FDFT1: variants seen among roughly 807,000 people sequenced by gnomAD.
The protein encoded by FDFT1 is farnesyl-diphosphate farnesyltransferase 1, also known as squalene synthase.
FDFT1 carries 68 observed loss-of-function variants against 46.8 expected under a neutral mutation model. The observed-to-expected ratio is 1.45, with a 90% CI of 1.19 to 1.78. The LOEUF (loss-of-function observed/expected upper bound fraction) is 1.78, where lower values mean the gene tolerates loss of function less well. Among genes scored for constraint, FDFT1 ranks in the 40% most tolerant of loss-of-function variants. The pLI is 0.00. For missense variants in FDFT1, 928 were observed against 524.4 expected (o/e 1.77, Z -7.52); for synonymous variants, 351 against 185.1 (o/e 1.90, Z -7.28).
upstream of FDFT1, among the ~76,000 whole-genome samples, chr8:11,797,690 G>A (rs151226708): frequency 3.3e-5 from 5 of 151,858 alleles, no homozygotes; most frequent in East Asian, 9.7e-4. Flanking sequence ...GTGGGGGAGG[G>A]GAACAGATAA....
chr8:11,831,826 C>A, intron 7 of FDFT1, 156 bp downstream of exon 7: 1 of 671,000 alleles, frequency 1.5e-6, no homozygotes, highest in Non-Finnish European at 2.6e-6. Flanking sequence ...GGAAAAAAGT[C>A]TATTCACAGG....
chr8:11,817,685 T>G (rs1000125787), intron 3 of FDFT1, among the ~76,000 whole-genome samples: 1 of 152,244 alleles, frequency 6.6e-6, no homozygotes, highest in Non-Finnish European at 1.5e-5. Flanking sequence ...AGTGGTAGTT[T>G]GTATTTCTGT....
Position 11,837,925 on chromosome 8 carries a change from C to T in FDFT1, c.1033-463C>T, listed in dbSNP as rs116616983. On this transcript the variant is annotated intron_variant, in intron 7 of 7. Coordinates refer to ENST00000220584, the MANE Select transcript of FDFT1 (RefSeq NM_004462.5). The stretch of plus-strand genomic sequence containing the variant: ...ACTCCAGGGTGGTTCATACGGCTCC[C>T]TGCTTCTGTTCCTGTCCCCCTTTGT... Among the ~76,000 whole-genome samples, 173 of 152,288 alleles carry T rather than the reference C, an allele frequency of 1.1e-3. 2 individuals carry two copies. The highest frequency in any genetic ancestry group is 3.9e-3 in the African/African-American group (164 of 41,562).
At position 11,821,827 on chromosome 8, in the gene FDFT1, G is replaced by T. The variant is rs139354492; in HGVS notation, c.459G>T (p.Gly153=). The T allele has an allele frequency of 1.9e-6, 3 of 1,613,754 alleles. No homozygotes were observed. Among genetic ancestry groups the T allele is most frequent in the African/African-American group, 1.3e-5 (1 of 75,038 alleles). The change falls in exon 4 of 8, where the codon GGG becomes GGT. Residue 153 remains glycine, a synonymous_variant. Transcript: ENST00000220584. ...IADICRRMGI[G]MAEFLDKHVT... ...ACATTTGCCGGAGAATGGGCATTGG[G>T]ATGGCAGAGTTTTTGGATAAGCATG... is the stretch of plus-strand genomic sequence containing the variant.
At chr8:11,807,471 T>C (rs974767195) in intron 1 of FDFT1, among the ~76,000 whole-genome samples, 1 of 152,102 alleles carries the variant, frequency 6.6e-6, no homozygotes. Context: ...CCCTGTTGGA[T>C]AAATGATTCC....
chr8:11,809,105 A>G, intron 2 of FDFT1: 2 of 1,254,318 alleles, frequency 1.6e-6, no homozygotes, highest in South Asian at 2.1e-5. Flanking sequence ...CTTTCAGAGA[A>G]GAGGGGGGAG....
At chr8:11,824,440 A>G (rs1224856024) in intron 4 of FDFT1, among the ~76,000 whole-genome samples, 2 of 152,244 alleles carry the variant, frequency 1.3e-5, no homozygotes, top group African/African-American at 2.4e-5. Flanking sequence ...CAAAGTTGTT[A>G]AAGCCTGACA....
intron 3 of FDFT1, among the ~76,000 whole-genome samples, chr8:11,812,735 C>T (rs1206431340): frequency 6.6e-6 from 1 of 152,158 alleles, no homozygotes; most frequent in Non-Finnish European, 1.5e-5. Flanking sequence ...TAGGAATAAG[C>T]CTCAATACAG....
chr8:11,809,820 G>T lies in FDFT1; in HGVS notation c.351G>T (p.Lys117Asn). ...GGCGGTTCATGGAGAGCAAGGAGAA[G>T]GATCGCCAGGTGCTGGAGGACTTCC... is the stretch of plus-strand genomic sequence containing the variant. ...PDWRFMESKE[K>N]DRQVLEDFPT... The change falls in exon 3 of 8, where the codon AAG (lysine) becomes AAT (asparagine). Residue 117 changes from lysine to asparagine, a missense_variant. By Grantham distance (94) the Lys-to-Asn change is moderately conservative. Transcript: ENST00000220584. 6.2e-7 allele frequency: 1 copy of T among 1,613,936 alleles called. No individual in the cohort carries two copies. Among genetic ancestry groups the T allele is most frequent in the Non-Finnish European group, 8.5e-7 (1 of 1,179,894 alleles).
rs1212970515 is a variant in FDFT1, at chr8:11,811,985, TG to T, written c.381+2139del. 2.6e-5 allele frequency among the ~76,000 whole-genome samples: 4 copies of T among 152,330 alleles called. No homozygotes were observed. In the East Asian group the frequency reaches 7.7e-4, roughly 29 times the overall value. ...CAGTATGTCTTTGAAACCAGTTGTC[TG>T]GGGCTAGGCCTGCAATCAGCTTTTG... On this transcript the variant is annotated intron_variant, in intron 3 of 7. Transcript: ENST00000220584.
intron 4 of FDFT1, among the ~76,000 whole-genome samples, chr8:11,824,314 C>G (rs961686888): frequency 6.6e-5 from 10 of 151,244 alleles, no homozygotes; most frequent in African/African-American, 2.2e-4. Context: ...AAATTGCTGT[C>G]GCGGAAAAAA....
chr8:11,809,320 T>C (rs754569232), intron 2 of FDFT1: 38 of 1,091,206 alleles, frequency 3.5e-5, no homozygotes, highest in Non-Finnish European at 3.6e-5. Context: ...ACTGAGAAGT[T>C]ACTGTGTTTT....
At chr8:11,801,589 G>T, upstream of FDFT1, 1 of 177,066 alleles carries the variant, frequency 5.6e-6, no homozygotes. Flanking sequence ...CAAAGTGCTG[G>T]GATTACAGGC....
rs756713677 is a variant in FDFT1, at chr8:11,802,787, C to G, written c.-46C>G. On this transcript the variant is annotated 5_prime_UTR_variant, in exon 1 of 8. Transcript: ENST00000220584. ...CAGCCGGCCGGTGAGCGCCTGGGGA[C>G]CGCAGAGGTGAGAGTCGCGCCCGGG... 2 of 1,480,480 alleles carry G rather than the reference C, an allele frequency of 1.4e-6. No homozygotes were observed. The highest frequency in any genetic ancestry group is 3.7e-5 in the Admixed American group (2 of 54,000). 91.7% of individuals were successfully genotyped at this position (1,480,480 alleles called of 1,614,324 possible).
intron 4 of FDFT1, among the ~76,000 whole-genome samples, chr8:11,824,955 T>TTG (rs1218237116): frequency 6.6e-6 from 1 of 152,108 alleles, no homozygotes; most frequent in Admixed American, 6.5e-5. Flanking sequence ...CAGGATGGTC[T>TTG]TGATCTCCTG....
Position 11,808,791 on chromosome 8 carries a change from C to T in FDFT1, c.100-3C>T, listed in dbSNP as rs1479315681. On this transcript the variant is annotated splice_polypyrimidine_tract_variant and splice_region_variant and intron_variant, in intron 1 of 7. Transcript: ENST00000220584. ...CACCGCCGTGTGTGTTGTCTGCCCGCAGGACTCGCTCAGCAGCAGCCTGAA... is the reference window on the plus strand; with the variant it reads ...CACCGCCGTGTGTGTTGTCTGCCCGTAGGACTCGCTCAGCAGCAGCCTGAA... 4 of 1,613,216 alleles carry T rather than the reference C, an allele frequency of 2.5e-6. No homozygotes were observed. Among genetic ancestry groups the T allele is most frequent in the South Asian group, 1.1e-5 (1 of 90,720 alleles).
intron 3 of FDFT1, among the ~76,000 whole-genome samples, chr8:11,817,276 T>G (rs561445810): frequency 4.1e-4 from 62 of 152,354 alleles, no homozygotes; most frequent in African/African-American, 1.5e-3. Flanking sequence ...TTTGCCATTA[T>G]TTTATAGAGG....
chr8:11,816,031 A>C (rs1808400705), intron 3 of FDFT1, among the ~76,000 whole-genome samples: 1 of 152,008 alleles, frequency 6.6e-6, no homozygotes, highest in African/African-American at 2.4e-5. Flanking sequence ...GTCCATCTTG[A>C]GTTAATTTTT....
At chr8:11,824,307 T>G (rs900441028) in intron 4 of FDFT1, among the ~76,000 whole-genome samples, 1 of 152,154 alleles carries the variant, frequency 6.6e-6, no homozygotes, top group Non-Finnish European at 1.5e-5. Flanking sequence ...TTTTGACAAA[T>G]TGCTGTCGCG....
Sources: allele counts gnomAD v4.1 joint callset (sites outside exome capture counted in the v4.1 genomes callset), GRCh38; gene constraint gnomAD v4.1.1; transcripts MANE v1.5; gene names NCBI Gene and HGNC (gene_info 2026-07-23, HGNC 2026-07-21).